COL21A1: variants seen among roughly 807,000 people sequenced by gnomAD.
COL21A1 encodes collagen type XXI alpha 1 chain.
Under a neutral mutation model 137.9 loss-of-function variants are expected in COL21A1, and 149 were observed. That is an observed-to-expected ratio of 1.08 (90% CI 0.95 to 1.24). The LOEUF (loss-of-function observed/expected upper bound fraction) is 1.24. Ranked by LOEUF, COL21A1 falls within the 50% of genes most tolerant of loss-of-function variation. The pLI is 0.00. For synonymous variants in COL21A1, 456 were observed against 391.5 expected (o/e 1.16, Z -1.95); for missense variants, 1,167 against 1,158.4 (o/e 1.01, Z -0.11).
chr6:56,098,334 C>T (rs1248857627), intron 17 of COL21A1, among the ~76,000 whole-genome samples: 11 of 26,874 alleles, frequency 4.1e-4, no homozygotes, highest in East Asian at 1.1e-3. Flanking sequence ...AATATATAAA[C>T]ACATATGTAA....
intron 1 of COL21A1, among the ~76,000 whole-genome samples, chr6:56,238,192 G>T (rs4715596): frequency 0.56 from 85,448 of 151,756 alleles, 24,328 homozygotes; most frequent in East Asian, 0.77. Context: ...AACCAATCAT[G>T]GCATCCAGAG....
chr6:56,140,645 C>A (rs1178729602), intron 12 of COL21A1, among the ~76,000 whole-genome samples: 1 of 152,038 alleles, frequency 6.6e-6, no homozygotes, highest in Admixed American at 6.6e-5. Context: ...AAGGAAAAAC[C>A]TTCAATTAAC....
chr6:56,094,022 A>G (rs969987273), intron 17 of COL21A1, among the ~76,000 whole-genome samples: 5 of 152,264 alleles, frequency 3.3e-5, no homozygotes, highest in African/African-American at 1.2e-4. Flanking sequence ...TGAATCTGCT[A>G]ATTTTAACAT....
intron 3 of COL21A1, among the ~76,000 whole-genome samples, chr6:56,174,629 T>C (rs1405680109): frequency 6.6e-6 from 1 of 151,898 alleles, no homozygotes; most frequent in Non-Finnish European, 1.5e-5. Context: ...TATATGAACA[T>C]ACCTATAACT....
At chr6:56,207,042 G>A (rs1031540931) in intron 1 of COL21A1, among the ~76,000 whole-genome samples, 5 of 152,070 alleles carry the variant, frequency 3.3e-5, no homozygotes, top group Non-Finnish European at 5.9e-5. Context: ...TTAAAGCAAT[G>A]TGTGGAGGGA....
intron 1 of COL21A1, among the ~76,000 whole-genome samples, chr6:56,220,571 T>C (rs1211844277): frequency 6.6e-6 from 1 of 152,186 alleles, no homozygotes; most frequent in African/African-American, 2.4e-5. Context: ...CTAAGAAAGA[T>C]GGAATGCCAT....
chr6:56,343,793 A>G (rs1765522968), intron 1 of COL21A1, among the ~76,000 whole-genome samples: 1 of 152,142 alleles, frequency 6.6e-6, no homozygotes, highest in Non-Finnish European at 1.5e-5. Flanking sequence ...AAATTTAAAA[A>G]TTAGCCAGGC....
chr6:56,136,113 G>A (rs553730958), intron 12 of COL21A1, among the ~76,000 whole-genome samples: 1 of 152,244 alleles, frequency 6.6e-6, no homozygotes, highest in South Asian at 2.1e-4. Flanking sequence ...TGATTTAAAA[G>A]CCAATGTTTG....
At chr6:56,280,484 G>C (rs1404829460) in intron 1 of COL21A1, among the ~76,000 whole-genome samples, 2 of 152,134 alleles carry the variant, frequency 1.3e-5, no homozygotes, top group Non-Finnish European at 2.9e-5. Flanking sequence ...GAGATGAAAA[G>C]TGAACAAGAC....
intron 17 of COL21A1, among the ~76,000 whole-genome samples, chr6:56,097,632 T>C (rs964012176): frequency 1.3e-5 from 2 of 149,954 alleles, no homozygotes; most frequent in African/African-American, 4.9e-5. Context: ...AAGTCTTGAA[T>C]AAAGTGGGAG....
chr6:56,355,056 G>A (rs1219205371), intron 1 of COL21A1, among the ~76,000 whole-genome samples: 5 of 151,870 alleles, frequency 3.3e-5, no homozygotes, highest in African/African-American at 7.2e-5. Context: ...TGACTCAGGG[G>A]GTTCTCGTTG....
At chr6:56,242,002 C>T (rs1279588110) in intron 1 of COL21A1, among the ~76,000 whole-genome samples, 2 of 152,154 alleles carry the variant, frequency 1.3e-5, no homozygotes, top group Non-Finnish European at 2.9e-5. Context: ...AGATAGCCAA[C>T]CACTTGGTAG....
In COL21A1 at chr6:56,376,796, T is replaced by C. The variant is rs114322638; in HGVS notation, c.-39+17175A>G. Reference sequence around the variant, plus strand: ...ATAAAAAGGAGGAGACAGAGCAAGATGGTAGAATAGAAGGCTCCACCAATC... The same window carrying C: ...ATAAAAAGGAGGAGACAGAGCAAGACGGTAGAATAGAAGGCTCCACCAATC... On this transcript the variant is annotated intron_variant, in intron 1 of 28. Transcript: ENST00000370819. 3.6e-3 allele frequency among the ~76,000 whole-genome samples: 549 copies of C among 150,976 alleles called. 5 individuals are homozygous for C. Among genetic ancestry groups the C allele is most frequent in the African/African-American group, 0.013 (532 of 41,108 alleles).
At chr6:56,239,981 T>C (rs1782177154) in intron 1 of COL21A1, among the ~76,000 whole-genome samples, 1 of 152,128 alleles carries the variant, frequency 6.6e-6, no homozygotes, top group Non-Finnish European at 1.5e-5. Context: ...TGGGGATGAT[T>C]TCCCCCATAC....
chr6:56,376,843 C>G (rs9382625), intron 1 of COL21A1, among the ~76,000 whole-genome samples: 1 of 118,638 alleles, frequency 8.4e-6, no homozygotes, highest in Admixed American at 9.0e-5. Flanking sequence ...CCCACCCCCC[C>G]CAAACAAGGA....
intron 1 of COL21A1, among the ~76,000 whole-genome samples, chr6:56,388,215 C>T (rs1030291649): frequency 6.6e-6 from 1 of 152,206 alleles, no homozygotes; most frequent in Admixed American, 6.5e-5. Context: ...GCAGGATTTA[C>T]CACCTGCTGA....
At chr6:56,316,529 G>A (rs548800702) in intron 1 of COL21A1, among the ~76,000 whole-genome samples, 35 of 109,842 alleles carry the variant, frequency 3.2e-4, no homozygotes, top group African/African-American at 1.1e-3. Flanking sequence ...TTACCCAGGC[G>A]GGAGTGCAGT....
intron 1 of COL21A1, among the ~76,000 whole-genome samples, chr6:56,382,591 T>G (rs1466623930): frequency 6.6e-6 from 1 of 152,146 alleles, no homozygotes; most frequent in Admixed American, 6.5e-5. Context: ...GGAGAGGCAG[T>G]AATCTGATAG....
chr6:56,376,784 G>A (rs2152351256), intron 1 of COL21A1, among the ~76,000 whole-genome samples: 1 of 151,414 alleles, frequency 6.6e-6, no homozygotes, highest in South Asian at 2.1e-4. Flanking sequence ...AAAAGGAGGA[G>A]ACAGAGCAAG....
Sources: allele counts gnomAD v4.1 joint callset (sites outside exome capture counted in the v4.1 genomes callset), GRCh38; gene constraint gnomAD v4.1.1; transcripts MANE v1.5; gene names NCBI Gene and HGNC (gene_info 2026-07-23, HGNC 2026-07-21).